PIEZO2: variants seen among roughly 807,000 people sequenced by gnomAD.
PIEZO2 encodes piezo type mechanosensitive ion channel component 2.
A neutral mutation model predicts 337.3 loss-of-function variants in PIEZO2; 172 were observed. The observed-to-expected ratio is 0.51, with a 90% CI of 0.45 to 0.58. PIEZO2 has a LOEUF of 0.58. Ranked by LOEUF, PIEZO2 falls within the 20% of genes least tolerant of loss-of-function variation. The pLI is 0.00. For missense variants in PIEZO2, 3,028 were observed against 3,391.3 expected, an observed-to-expected ratio of 0.89 and a Z score of 2.66; for synonymous variants, 1,251 against 1,228.5, an observed-to-expected ratio of 1.02 and a Z score of -0.38.
intron 8 of PIEZO2, among the ~76,000 whole-genome samples, chr18:10,806,803 G>C (rs1335443529): frequency 2.0e-5 from 3 of 152,114 alleles, no homozygotes; most frequent in African/African-American, 7.2e-5. Context: ...GAGTTGTTTA[G>C]TTTATTAAAT....
chr18:10,709,487 T>C (rs1231289082), intron 39 of PIEZO2: 1 of 152,246 alleles, frequency 6.6e-6, no homozygotes, highest in Non-Finnish European at 1.5e-5. Context: ...AACAGATCTT[T>C]AGAGATATAG....
intron 7 of PIEZO2, among the ~76,000 whole-genome samples, chr18:10,818,830 T>G (rs1011164578): frequency 1.3e-5 from 2 of 152,208 alleles, no homozygotes; most frequent in African/African-American, 4.8e-5. Flanking sequence ...ATTCTCCTGT[T>G]GTCAAAGACT....
At position 10,671,561 on chromosome 18, in the gene PIEZO2, G is replaced by A; in HGVS notation, c.8564C>T (p.Thr2855Ile). 1 of 1,613,352 alleles carries A rather than the reference G, an allele frequency of 6.2e-7. No homozygotes were observed. The highest frequency in any genetic ancestry group is 8.5e-7 in the Non-Finnish European group (1 of 1,179,654). Residue 2855 changes from threonine to isoleucine, a missense_variant, in exon 56 of 56, where the codon ACA becomes ATA. Physicochemically the swap from Thr to Ile is moderately conservative, Grantham distance 89 (BLOSUM62 -1). Around this residue, in one of 5 missense-constraint regions of PIEZO2, gnomAD observed 332 missense variants for 363.8 expected, o/e 0.91. Coordinates refer to ENST00000674853, the MANE Select transcript of PIEZO2 (RefSeq NM_001378183.1). The part of the protein sequence containing the change: ...KLIFLYRSPE[T>I]MIKWTREKTN Reference sequence around the variant, plus strand: ...TTTTTCTCTAGTCCATTTGATCATTGTCTCTGGTGAGCGATATAGGAATAT... The same window carrying A: ...TTTTTCTCTAGTCCATTTGATCATTATCTCTGGTGAGCGATATAGGAATAT...
chr18:11,024,547 G>GAAAAAAAAAAA (rs569472740), intron 2 of PIEZO2, among the ~76,000 whole-genome samples: 3 of 104,048 alleles, frequency 2.9e-5, no homozygotes, highest in African/African-American at 3.4e-5. Flanking sequence ...CTCTGTCTCA[G>GAAAAAAAAAAA]AAAAAAAAAA....
chr18:10,871,259 T>C lies in PIEZO2; in HGVS notation c.486A>G (p.Glu162=). 1 of 1,536,306 alleles carries C rather than the reference T, an allele frequency of 6.5e-7. No individual in the cohort carries two copies. The highest frequency in any genetic ancestry group is 8.7e-7 in the Non-Finnish European group (1 of 1,146,536). Residue 162 remains glutamate, a synonymous_variant, in exon 5 of 56, where the codon GAA becomes GAG. Coordinates refer to ENST00000674853, the MANE Select transcript of PIEZO2 (RefSeq NM_001378183.1). The part of the protein sequence containing the change: ...AAQSNPEFEN[E]ELAEGEKIDS... ...GACATGGAGTTGGATTTACCAATTC[T>C]TCATTTTCAAACTCCGGGTTACTCT...
At chr18:10,763,290 T>A (rs945452338) in intron 21 of PIEZO2, 192 bp from the exon 22 acceptor site, 3 of 594,294 alleles carry the variant, frequency 5.0e-6, no homozygotes, top group African/African-American at 1.9e-5. Context: ...TCAAGGGCAT[T>A]ATGTCTTGTA....
intron 3 of PIEZO2, among the ~76,000 whole-genome samples, chr18:10,924,550 C>G (rs901638938): frequency 2.0e-5 from 3 of 152,164 alleles, no homozygotes; most frequent in African/African-American, 7.2e-5. Flanking sequence ...CGGCCCCACA[C>G]GTGTGCTAAG....
At chr18:11,052,578 A>G (rs1053623076) in intron 2 of PIEZO2, among the ~76,000 whole-genome samples, 4 of 152,194 alleles carry the variant, frequency 2.6e-5, no homozygotes, top group African/African-American at 9.6e-5. Context: ...CACTGGAGTA[A>G]GGAGGTGGCT....
intron 7 of PIEZO2, among the ~76,000 whole-genome samples, chr18:10,814,162 G>C (rs1417010777): frequency 6.6e-6 from 1 of 151,790 alleles, no homozygotes; most frequent in Non-Finnish European, 1.5e-5. Flanking sequence ...GTAGAGACAG[G>C]GTTTCACTGT....
Position 10,855,623 on chromosome 18 carries a change from T to C in PIEZO2, c.704-57A>G. On this transcript the variant is annotated intron_variant, in intron 6 of 55. Coordinates refer to ENST00000674853, the MANE Select transcript of PIEZO2 (RefSeq NM_001378183.1). This position sits in a 1 kb window ranked among gnomAD's most constrained non-coding sequence, Gnocchi z 4.9. Reference sequence around the variant, plus strand: ...GTAGAACTGGAAATTCACTTATCATTCAGTGAATGTGACTATTTGAAATTA... The same window carrying C: ...GTAGAACTGGAAATTCACTTATCATCCAGTGAATGTGACTATTTGAAATTA... 7.7e-7 allele frequency: 1 copy of C among 1,306,372 alleles called. No individual in the cohort carries two copies. The highest frequency in any genetic ancestry group is 2.5e-5 in the East Asian group (1 of 39,358). The allele number at this position is 1,306,372 out of a possible 1,614,324, so 80.9% of individuals were successfully genotyped here.
In PIEZO2 at chr18:10,976,847, A is replaced by G. The variant is rs1272048505; in HGVS notation, c.286+2688T>C. ...AAGGCCTGGAAAGAGGCAGGTCAAG[A>G]GGCCAGCTGTGACTACACTTGAGAT... On this transcript the variant is annotated intron_variant, in intron 3 of 55. Coordinates refer to ENST00000674853, the MANE Select transcript of PIEZO2 (RefSeq NM_001378183.1). Among the ~76,000 whole-genome samples the G allele has an allele frequency of 4.6e-5, 7 of 152,174 alleles. No individual in the cohort carries two copies. In the East Asian group the frequency reaches 1.3e-3, roughly 29 times the overall value.
chr18:10,759,387 T>C lies in PIEZO2; in HGVS notation c.3757+95A>G, dbSNP rs1410694604. 9 of 1,036,752 alleles carry C rather than the reference T, an allele frequency of 8.7e-6. No homozygotes were observed. The African/African-American group carries it at 9.6e-5, about 11-fold the overall frequency. The allele number at this position is 1,036,752 out of a possible 1,614,324, so 64.2% of individuals were successfully genotyped here. A position where few individuals can be genotyped will look rare whatever the true frequency, so the allele number is the denominator to read the frequency against. ...GCCTTTACATGATTACGAAGTCTAG[T>C]GGAAGACAAAAGGCACTAATGCATA... On this transcript the variant is annotated intron_variant, in intron 26 of 55. Transcript: ENST00000674853. This position sits in a 1 kb window ranked among gnomAD's most constrained non-coding sequence, Gnocchi z 5.5.
intron 13 of PIEZO2, among the ~76,000 whole-genome samples, chr18:10,793,176 G>T (rs944049380): frequency 6.6e-5 from 10 of 152,014 alleles, no homozygotes; most frequent in Non-Finnish European, 1.2e-4. Context: ...GGAGAATGGC[G>T]TGAACCCGGG....
At chr18:10,995,036 C>A (rs1249955770) in intron 2 of PIEZO2, among the ~76,000 whole-genome samples, 2 of 148,446 alleles carry the variant, frequency 1.3e-5, no homozygotes, top group African/African-American at 2.5e-5. Context: ...CGAGATCGTG[C>A]CACTGCACTC....
intron 2 of PIEZO2, among the ~76,000 whole-genome samples, chr18:11,061,179 G>C (rs576896028): frequency 7.9e-5 from 12 of 152,222 alleles, no homozygotes; most frequent in African/African-American, 2.9e-4. Context: ...AATAGATGCA[G>C]AAAAGGCCTT....
chr18:10,921,727 A>C (rs1054883775), intron 3 of PIEZO2, among the ~76,000 whole-genome samples: 26 of 152,194 alleles, frequency 1.7e-4, no homozygotes, highest in African/African-American at 4.8e-4. Flanking sequence ...AGCCATATTT[A>C]TCTTCTTTCA....
intron 1 of PIEZO2, among the ~76,000 whole-genome samples, chr18:11,088,782 A>C (rs1393674600): frequency 6.6e-6 from 1 of 152,184 alleles, no homozygotes; most frequent in Admixed American, 6.5e-5. Flanking sequence ...CCCAGTCAGA[A>C]GCCAGAAGGC....
intron 2 of PIEZO2, among the ~76,000 whole-genome samples, chr18:11,023,036 G>T (rs1369432474): frequency 2.6e-5 from 4 of 152,042 alleles, no homozygotes; most frequent in African/African-American, 9.7e-5. Flanking sequence ...TCGTGGTCTC[G>T]TTGGCTTCAG....
chr18:10,892,793 A>G (rs1229481413), intron 4 of PIEZO2, among the ~76,000 whole-genome samples: 1 of 152,260 alleles, frequency 6.6e-6, no homozygotes, highest in Admixed American at 6.5e-5. Context: ...AATGTAAATG[A>G]AGAAATCACC....
Sources: gnomAD v4.1 joint callset for allele counts (sites outside exome capture counted in the v4.1 genomes callset) on GRCh38, gnomAD v4.1.1 for gene constraint, gnomAD v4.1.1 regional missense constraint, Gnocchi (gnomAD v3.1) non-coding constraint, MANE v1.5 for transcripts, NCBI Gene and HGNC (gene_info 2026-07-23, HGNC 2026-07-21) for gene names.